The following PDE4D variants were observed in gnomAD, a reference collection of about 807,000 sequenced individuals.
PDE4D encodes the protein 3',5'-cyclic-AMP phosphodiesterase 4D.
A neutral mutation model predicts 87.4 loss-of-function variants in PDE4D; 24 were observed. The ratio of observed to expected loss-of-function variants is 0.27; its 90% CI spans 0.20 to 0.39. The LOEUF is 0.39. PDE4D is among the 10% of genes least tolerant of loss of function. PDE4D has a pLI of 1.00. For missense variants in PDE4D, 714 were observed against 1,041.0 expected, an observed-to-expected ratio of 0.69 and a Z score of 4.32; for synonymous variants, 384 against 383.2, an observed-to-expected ratio of 1.00 and a Z score of -0.02.
rs573017622 is a variant in PDE4D, at chr5:59,717,534, A to T, written c.455+175634T>A. ...TCTAATATTTCTGAAGTAATAAAAT[A>T]AATGTAACCCTGTGGAAAAATAAAA... On this transcript the variant is annotated intron_variant, in intron 1 of 14. Coordinates refer to ENST00000340635, the MANE Select transcript of PDE4D (RefSeq NM_001104631.2). Among the ~76,000 whole-genome samples, 6 of 152,374 alleles carry T rather than the reference A, an allele frequency of 3.9e-5. No homozygotes were observed. In the South Asian group the frequency reaches 1.2e-3, roughly 32 times the overall value.
intron 1 of PDE4D, among the ~76,000 whole-genome samples, chr5:59,429,010 A>C (rs961415692): frequency 3.3e-5 from 5 of 152,212 alleles, no homozygotes; most frequent in African/African-American, 1.2e-4. Flanking sequence ...TTAAGCCTAA[A>C]TAGGTATATG....
chr5:60,072,092 C>T (rs1772785433), intron 2 of PDE4D, among the ~76,000 whole-genome samples: 1 of 152,140 alleles, frequency 6.6e-6, no homozygotes, highest in Admixed American at 6.6e-5. Flanking sequence ...TGAGGAATTG[C>T]CACACTACTT....
chr5:60,461,714 A>G lies in PDE4D; in HGVS notation c.-90+26228T>C, dbSNP rs1033166875. 3.9e-5 allele frequency among the ~76,000 whole-genome samples: 6 copies of G among 152,238 alleles called. No homozygotes were observed. The East Asian group carries it at 1.2e-3, about 29-fold the overall frequency. ...ACAAAAAAACATTCACCAGATTTCA[A>G]TTGATGAAACACACTGGGAAGAGGT... On this transcript the variant is annotated intron_variant, in intron 1 of 16. Coordinates refer to the PDE4D transcript ENST00000502484.
Position 59,525,334 on chromosome 5 carries a change from G to A in PDE4D, c.456-309366C>T, listed in dbSNP as rs535843702. On this transcript the variant is annotated intron_variant, in intron 1 of 14. Transcript: ENST00000340635. The stretch of plus-strand genomic sequence containing the variant: ...TTTGGAACTTTAATGTTTAATGACT[G>A]CCCTATTGGATTTTGGACTTGCATG... Among the ~76,000 whole-genome samples, 3 of 152,348 alleles carry A rather than the reference G, an allele frequency of 2.0e-5. No homozygotes were observed. The East Asian group carries it at 5.8e-4, about 29-fold the overall frequency.
chr5:59,178,333 C>G (rs1784209171), intron 5 of PDE4D, among the ~76,000 whole-genome samples: 1 of 152,156 alleles, frequency 6.6e-6, no homozygotes, highest in African/African-American at 2.4e-5. Context: ...TAAGTGGTAA[C>G]AACAGTTAAT....
At position 59,601,474 on chromosome 5, in the gene PDE4D, A is replaced by G. The variant is rs866937287; in HGVS notation, c.455+291694T>C. Among the ~76,000 whole-genome samples, 3 of 151,674 alleles carry G rather than the reference A, an allele frequency of 2.0e-5. No homozygotes were observed. The South Asian group carries it at 6.2e-4, about 32-fold the overall frequency. On this transcript the variant is annotated intron_variant, in intron 1 of 14. Transcript: ENST00000340635. ...GGCACCCTATAATGAGGGATCATTA[A>G]TCTTAACTGTTCTGTAGCCCATGTC... is the stretch of plus-strand genomic sequence containing the variant.
chr5:59,625,949 G>C (rs530496134), intron 1 of PDE4D, among the ~76,000 whole-genome samples: 4 of 152,246 alleles, frequency 2.6e-5, no homozygotes, highest in Admixed American at 6.5e-5. Flanking sequence ...TTGGCCAGGC[G>C]TGGTGGCGGG....
intron 1 of PDE4D, among the ~76,000 whole-genome samples, chr5:60,337,359 A>G (rs1417828869): frequency 3.1e-5 from 3 of 97,664 alleles, no homozygotes; most frequent in Admixed American, 1.0e-4. Context: ...AACTATATAT[A>G]TATATATATA....
intron 1 of PDE4D, among the ~76,000 whole-genome samples, chr5:59,869,963 G>C (rs2152735905): frequency 6.6e-6 from 1 of 152,292 alleles, no homozygotes; most frequent in South Asian, 2.1e-4. Context: ...CCGGAGTCCA[G>C]CTTCAACATT....
At chr5:60,338,154 T>C (rs1420715823) in intron 1 of PDE4D, among the ~76,000 whole-genome samples, 1 of 151,932 alleles carries the variant, frequency 6.6e-6, no homozygotes, top group Non-Finnish European at 1.5e-5. Context: ...GCACAAACGA[T>C]GAAAGCCGTT....
At chr5:58,999,135 T>C (rs2153351107) in intron 6 of PDE4D, among the ~76,000 whole-genome samples, 1 of 152,304 alleles carries the variant, frequency 6.6e-6, no homozygotes, top group Middle Eastern at 3.4e-3. Flanking sequence ...TTATAAACTT[T>C]ATGTGCAACA....
At chr5:59,060,878 C>G (rs759039340) in intron 5 of PDE4D, among the ~76,000 whole-genome samples, 1 of 152,052 alleles carries the variant, frequency 6.6e-6, no homozygotes, top group African/African-American at 2.4e-5. Context: ...TCTTCCCTGC[C>G]CTACTTGGAA....
At chr5:59,611,589 G>A (rs148973517) in intron 1 of PDE4D, among the ~76,000 whole-genome samples, 1 of 152,196 alleles carries the variant, frequency 6.6e-6, no homozygotes, top group Non-Finnish European at 1.5e-5. Context: ...CATCTGCTGT[G>A]GTCACTGTTA....
chr5:59,022,039 G>A (rs1366000726), intron 6 of PDE4D, among the ~76,000 whole-genome samples: 2 of 152,222 alleles, frequency 1.3e-5, no homozygotes, highest in African/African-American at 2.4e-5. Context: ...TGAAGCTGAC[G>A]CCAACTATTA....
intron 1 of PDE4D, among the ~76,000 whole-genome samples, chr5:59,326,568 C>A (rs1369043598): frequency 6.6e-6 from 1 of 151,984 alleles, no homozygotes; most frequent in Non-Finnish European, 1.5e-5. Flanking sequence ...GACTTTTAAA[C>A]TTTTAAAAAT....
intron 1 of PDE4D, among the ~76,000 whole-genome samples, chr5:59,338,056 A>G (rs1053277396): frequency 6.6e-6 from 1 of 152,232 alleles, no homozygotes; most frequent in African/African-American, 2.4e-5. Context: ...TGTTTCATAC[A>G]TGGTTTTATG....
chr5:59,770,434 G>C (rs1456321145), intron 1 of PDE4D, among the ~76,000 whole-genome samples: 1 of 152,100 alleles, frequency 6.6e-6, no homozygotes, highest in African/African-American at 2.4e-5. Context: ...AATGAAATGC[G>C]TATATGATGA....
chr5:60,159,959 G>A (rs1402519628), intron 2 of PDE4D, among the ~76,000 whole-genome samples: 1 of 152,064 alleles, frequency 6.6e-6, no homozygotes, highest in Non-Finnish European at 1.5e-5. Flanking sequence ...AACAACATGG[G>A]CTTGAACTGC....
chr5:60,508,471 T>C (rs1429927636), intron 1 of PDE4D, among the ~76,000 whole-genome samples: 1 of 152,226 alleles, frequency 6.6e-6, no homozygotes, highest in Non-Finnish European at 1.5e-5. Context: ...CAGAAGAGAA[T>C]AGAGCAACTT....
Sources: gnomAD v4.1 joint callset for allele counts (sites outside exome capture counted in the v4.1 genomes callset) on GRCh38, gnomAD v4.1.1 for gene constraint, MANE v1.5 for transcripts, NCBI Gene and HGNC (gene_info 2026-07-23, HGNC 2026-07-21) for gene names.